The following CDH13 variants were observed in gnomAD, a reference collection of about 807,000 sequenced individuals.
CDH13 encodes the protein cadherin-13.
A neutral mutation model predicts 63.8 loss-of-function variants in CDH13; 24 were observed. That is an observed-to-expected ratio of 0.38 (90% CI 0.27 to 0.53). The LOEUF is 0.53. Among genes scored for constraint, CDH13 ranks in the 20% least tolerant of loss-of-function variants. The pLI is 0.85. For missense variants in CDH13, 1,049 were observed against 903.1 expected (o/e 1.16, Z -2.07); for synonymous variants, 503 against 355.3 (o/e 1.42, Z -4.67).
At chr16:83,551,266 G>C (rs1267866085) in intron 7 of CDH13, among the ~76,000 whole-genome samples, 2 of 152,096 alleles carry the variant, frequency 1.3e-5, no homozygotes, top group Non-Finnish European at 2.9e-5. Context: ...GTTTTTAGTA[G>C]AGACAAGGTT....
At chr16:83,587,985 C>T (rs1397458327) in intron 7 of CDH13, among the ~76,000 whole-genome samples, 10 of 151,018 alleles carry the variant, frequency 6.6e-5, no homozygotes, top group African/African-American at 2.4e-4. Context: ...GTCCAAACCT[C>T]ACCACATGAG....
chr16:83,542,310 G>A (rs971961932), intron 7 of CDH13, among the ~76,000 whole-genome samples: 5 of 152,178 alleles, frequency 3.3e-5, no homozygotes, highest in African/African-American at 9.7e-5. Context: ...TGAATGTAAT[G>A]TGCAGCCAGG....
chr16:82,754,733 G>C (rs2034548390), intron 1 of CDH13, among the ~76,000 whole-genome samples: 2 of 152,224 alleles, frequency 1.3e-5, no homozygotes, highest in South Asian at 4.1e-4. Flanking sequence ...AAAACAACTT[G>C]ACAGGACTTT....
chr16:83,330,667 G>A (rs1047288479), intron 5 of CDH13, among the ~76,000 whole-genome samples: 5 of 152,214 alleles, frequency 3.3e-5, no homozygotes, highest in African/African-American at 1.2e-4. Flanking sequence ...AATCCCCAGA[G>A]TGTGGGCCTG....
chr16:83,003,705 C>T (rs1308344182), intron 2 of CDH13, among the ~76,000 whole-genome samples: 5 of 152,198 alleles, frequency 3.3e-5, no homozygotes, highest in Non-Finnish European at 7.3e-5. Flanking sequence ...CTTCACATAG[C>T]ATTAGAGCAC....
intron 8 of CDH13, among the ~76,000 whole-genome samples, chr16:83,660,210 A>G (rs907202124): frequency 1.3e-5 from 2 of 152,142 alleles, no homozygotes; most frequent in South Asian, 2.1e-4. Flanking sequence ...TTTCATTTCT[A>G]TTATTATTAC....
At chr16:83,576,455 G>C (rs149958427) in intron 7 of CDH13, among the ~76,000 whole-genome samples, 1 of 152,274 alleles carries the variant, frequency 6.6e-6, no homozygotes, top group African/African-American at 2.4e-5. Context: ...CTAATGTGCT[G>C]TTCTATGAAC....
intron 2 of CDH13, 109 bp downstream of exon 2, chr16:82,858,582 A>G: frequency 1.2e-6 from 1 of 816,826 alleles, no homozygotes; most frequent in Non-Finnish European, 2.1e-6. Context: ...GTGTTTTCTG[A>G]TTATTTTTCT....
intron 3 of CDH13, among the ~76,000 whole-genome samples, chr16:83,035,261 G>C (rs1916745599): frequency 6.6e-6 from 1 of 152,126 alleles, no homozygotes; most frequent in Non-Finnish European, 1.5e-5. Flanking sequence ...GCCTGAGTCA[G>C]CTCAGCTCCT....
At chr16:83,080,879 T>TTTTGTTG (rs1555579061) in intron 3 of CDH13, among the ~76,000 whole-genome samples, 43 of 110,598 alleles carry the variant, frequency 3.9e-4, no homozygotes, top group South Asian at 2.0e-3. Context: ...GTGTTTTTTT[T>TTTTGTTG]TTTTTTTTTT....
intron 1 of CDH13, among the ~76,000 whole-genome samples, chr16:82,703,788 G>A (rs904222960): frequency 2.0e-5 from 3 of 152,034 alleles, no homozygotes; most frequent in Non-Finnish European, 4.4e-5. Flanking sequence ...TTTGCCCCCT[G>A]AACAAGGGCA....
chr16:83,151,839 G>A (rs901474907), intron 4 of CDH13, among the ~76,000 whole-genome samples: 1 of 152,114 alleles, frequency 6.6e-6, no homozygotes, highest in East Asian at 1.9e-4. Flanking sequence ...GCACATGTCT[G>A]TAATCCCAGC....
intron 5 of CDH13, among the ~76,000 whole-genome samples, chr16:83,223,480 G>T (rs903453379): frequency 1.3e-5 from 2 of 152,222 alleles, no homozygotes; most frequent in Non-Finnish European, 2.9e-5. Context: ...GGAGGTGACA[G>T]GCATTTCAAC....
intron 7 of CDH13, among the ~76,000 whole-genome samples, chr16:83,584,347 C>A (rs577764600): frequency 2.6e-5 from 4 of 152,266 alleles, no homozygotes; most frequent in African/African-American, 9.6e-5. Context: ...TTAAAAAATG[C>A]ATGGTTTTTG....
chr16:83,008,010 A>T (rs1275594837), intron 2 of CDH13, among the ~76,000 whole-genome samples: 1 of 152,156 alleles, frequency 6.6e-6, no homozygotes, highest in East Asian at 1.9e-4. Flanking sequence ...TCATTAAGTG[A>T]TTGATGGATC....
intron 6 of CDH13, among the ~76,000 whole-genome samples, chr16:83,483,624 A>C (rs983363634): frequency 1.3e-5 from 2 of 152,146 alleles, no homozygotes; most frequent in African/African-American, 4.8e-5. Flanking sequence ...ACTAAGTGCA[A>C]GGCCCTGGGT....
intron 1 of CDH13, among the ~76,000 whole-genome samples, chr16:82,717,750 G>A (rs912818214): frequency 7.9e-5 from 12 of 152,092 alleles, no homozygotes; most frequent in Non-Finnish European, 1.6e-4. Flanking sequence ...TCATTAATTT[G>A]GCCACATCTG....
chr16:83,370,544 T>C (rs2091347925), intron 6 of CDH13, among the ~76,000 whole-genome samples: 2 of 152,292 alleles, frequency 1.3e-5, no homozygotes, highest in Admixed American at 1.3e-4. Context: ...AGGGGTTTGG[T>C]GTACAGATTA....
intron 5 of CDH13, among the ~76,000 whole-genome samples, chr16:83,269,575 A>G (rs952580022): frequency 6.6e-6 from 1 of 152,150 alleles, no homozygotes; most frequent in Non-Finnish European, 1.5e-5. Flanking sequence ...CCACCCCAGT[A>G]AGAATTCTGG....
Sources: gnomAD v4.1 joint callset for allele counts (sites outside exome capture counted in the v4.1 genomes callset) on GRCh38, gnomAD v4.1.1 for gene constraint, MANE v1.5 for transcripts, NCBI Gene and HGNC (gene_info 2026-07-23, HGNC 2026-07-21) for gene names.